The following CADPS2 variants were observed in gnomAD, a reference collection of about 807,000 sequenced individuals.
CADPS2 encodes calcium dependent secretion activator 2.
A neutral mutation model predicts 172.5 loss-of-function variants in CADPS2; 93 were observed. The ratio of observed to expected loss-of-function variants is 0.54; its 90% CI spans 0.46 to 0.64. CADPS2 has a LOEUF of 0.64. Ranked by LOEUF, CADPS2 falls within the 30% of genes least tolerant of loss-of-function variation. The pLI, the probability that CADPS2 is intolerant of heterozygous loss-of-function variation, is 0.00. For synonymous variants in CADPS2, 546 were observed against 555.2 expected (o/e 0.98, Z 0.23); for missense variants, 1,420 against 1,565.9 (o/e 0.91, Z 1.57).
At chr7:122,655,572 C>G (rs1361868000) in intron 3 of CADPS2, among the ~76,000 whole-genome samples, 2 of 151,788 alleles carry the variant, frequency 1.3e-5, no homozygotes, top group African/African-American at 4.8e-5. Context: ...GACCACAGTA[C>G]AGTAAAACAT....
chr7:122,708,042 A>G (rs2087890288), intron 2 of CADPS2, among the ~76,000 whole-genome samples: 1 of 151,782 alleles, frequency 6.6e-6, no homozygotes, highest in South Asian at 2.1e-4. Flanking sequence ...GCTATAATGG[A>G]ACAAATGACC....
At chr7:122,468,442 A>G (rs562065486) in intron 14 of CADPS2, among the ~76,000 whole-genome samples, 2 of 152,332 alleles carry the variant, frequency 1.3e-5, no homozygotes, top group South Asian at 2.1e-4. Flanking sequence ...AATTAGGAAT[A>G]TAATTACATA....
intron 25 of CADPS2, among the ~76,000 whole-genome samples, chr7:122,377,987 GCT>G (rs1271217508): frequency 1.3e-5 from 2 of 152,062 alleles, no homozygotes; most frequent in Middle Eastern, 6.3e-3. Flanking sequence ...CCAGAGAAAA[GCT>G]CTGTTAACAT....
intron 9 of CADPS2, among the ~76,000 whole-genome samples, chr7:122,493,138 T>C (rs746227543): frequency 6.6e-6 from 1 of 152,116 alleles, no homozygotes; most frequent in Non-Finnish European, 1.5e-5. Flanking sequence ...AGAAGATGCA[T>C]GCAAAACATA....
chr7:122,375,798 G>A (rs1329219666), intron 25 of CADPS2, among the ~76,000 whole-genome samples: 2 of 150,780 alleles, frequency 1.3e-5, no homozygotes, highest in Non-Finnish European at 3.0e-5. Context: ...CACAGCAAGG[G>A]AAACAATCAA....
chr7:122,385,263 T>C (rs2043481518), intron 24 of CADPS2, among the ~76,000 whole-genome samples: 1 of 152,104 alleles, frequency 6.6e-6, no homozygotes, highest in Admixed American at 6.6e-5. Flanking sequence ...CTGATATATG[T>C]GTAAGGTTGT....
At chr7:122,560,755 G>C (rs573472998) in intron 7 of CADPS2, among the ~76,000 whole-genome samples, 1 of 152,170 alleles carries the variant, frequency 6.6e-6, no homozygotes, top group Non-Finnish European at 1.5e-5. Context: ...TCAATTGACA[G>C]AGATTTTATA....
chr7:122,827,390 C>T (rs1206651053), intron 1 of CADPS2, among the ~76,000 whole-genome samples: 1 of 68,932 alleles, frequency 1.5e-5, no homozygotes, highest in Non-Finnish European at 2.9e-5. Context: ...GGTGTGGTGG[C>T]TCACACATGT....
intron 2 of CADPS2, among the ~76,000 whole-genome samples, chr7:122,694,855 T>G (rs1329181559): frequency 1.3e-5 from 2 of 152,202 alleles, no homozygotes; most frequent in Non-Finnish European, 2.9e-5. Context: ...AGAATGGAAC[T>G]GGCATGAGAA....
At position 122,441,525 on chromosome 7, in the gene CADPS2, G is replaced by T; in HGVS notation, c.2339C>A (p.Ser780Ter). 1 of 1,531,132 alleles carries T rather than the reference G, an allele frequency of 6.5e-7. No individual in the cohort carries two copies. The allele number at this position is 1,531,132 out of a possible 1,614,324, so 94.8% of individuals were successfully genotyped here. Reference sequence around the variant, plus strand: ...GTTCAAACATACCCTTTCAAGTAATGAAAGTGTAGCTTTTAGAGCACCTTC... The same window carrying T: ...GTTCAAACATACCCTTTCAAGTAATTAAAGTGTAGCTTTTAGAGCACCTTC... ...RPEGALKATL[S>*]LLERVLMKDI... The change falls in exon 16 of 30, where the codon TCA (serine) becomes TAA (stop). Residue 780 changes from serine to a stop codon, truncating the protein, a stop_gained. Coordinates refer to ENST00000449022, the MANE Select transcript of CADPS2 (RefSeq NM_017954.11). LOFTEE classifies it high-confidence loss of function.
intron 17 of CADPS2, among the ~76,000 whole-genome samples, 169 bp downstream of exon 17, chr7:122,438,172 C>T (rs990074670): frequency 3.9e-5 from 6 of 152,106 alleles, no homozygotes; most frequent in Admixed American, 2.0e-4. Context: ...CATATTAAAG[C>T]AATGAATAGG....
In CADPS2 at chr7:122,663,269, G is replaced by C. The variant is rs747107405; in HGVS notation, c.754C>G (p.Leu252Val). ...GCATTATAAAGGAGCTGGTGTTCCA[G>C]TTTTTTAATACCCAGAATCTGCTGA... ...MFQQILGIKK[L>V]EHQLLYNACQ... Residue 252 changes from leucine (L) to valine (V), a missense_variant, in exon 3 of 30, where the codon CTG becomes GTG. By Grantham distance (32) the Leu-to-Val change is conservative (BLOSUM62 1). Transcript: ENST00000449022. The C allele has an allele frequency of 1.9e-6, 3 of 1,613,522 alleles. No homozygotes were observed. Among genetic ancestry groups the C allele is most frequent in the Middle Eastern group, 1.7e-4 (1 of 6,058 alleles).
chr7:122,794,265 A>G (rs1795898991), intron 1 of CADPS2, among the ~76,000 whole-genome samples: 1 of 151,836 alleles, frequency 6.6e-6, no homozygotes, highest in Non-Finnish European at 1.5e-5. Flanking sequence ...GTCTCCTTAT[A>G]TAATCCCATA....
intron 8 of CADPS2, among the ~76,000 whole-genome samples, chr7:122,539,482 C>T (rs1474325228): frequency 6.6e-6 from 1 of 151,710 alleles, no homozygotes; most frequent in Non-Finnish European, 1.5e-5. Flanking sequence ...TGGGCAGGAG[C>T]GAAATAAGAG....
intron 8 of CADPS2, among the ~76,000 whole-genome samples, chr7:122,540,767 G>A (rs2062831365): frequency 6.6e-6 from 1 of 151,952 alleles, no homozygotes; most frequent in Admixed American, 6.6e-5. Flanking sequence ...TCTTCTCCTT[G>A]TCTAGTAATT....
chr7:122,744,732 G>A (rs1041165580), intron 1 of CADPS2, among the ~76,000 whole-genome samples: 7 of 152,072 alleles, frequency 4.6e-5, no homozygotes, highest in Non-Finnish European at 5.9e-5. Context: ...TTGCATGGTG[G>A]ACAAATGGAC....
intron 2 of CADPS2, chr7:122,681,603 C>A: frequency 2.7e-6 from 4 of 1,494,008 alleles, no homozygotes; most frequent in Non-Finnish European, 1.8e-6. Context: ...GGACCGAACA[C>A]CCCCACCCAG....
At chr7:122,427,341 A>G (rs1446379986) in intron 17 of CADPS2, 2 of 152,184 alleles carry the variant, frequency 1.3e-5, no homozygotes, top group Admixed American at 6.5e-5. Flanking sequence ...GTTTTATAAG[A>G]AAGTTAAAAA....
chr7:122,649,252 T>A (rs2078884314), intron 3 of CADPS2, among the ~76,000 whole-genome samples: 1 of 152,140 alleles, frequency 6.6e-6, no homozygotes, highest in Admixed American at 6.5e-5. Context: ...TTCTCCCTCA[T>A]GGTTAATTTT....
Sources: gnomAD v4.1 joint callset for allele counts (sites outside exome capture counted in the v4.1 genomes callset) on GRCh38, gnomAD v4.1.1 for gene constraint, MANE v1.5 for transcripts, NCBI Gene and HGNC (gene_info 2026-07-23, HGNC 2026-07-21) for gene names.